Variants in ASXL3 observed in about 807,000 individuals in gnomAD.
ASXL3 encodes the protein putative Polycomb group protein ASXL3.
A neutral mutation model predicts 170.6 loss-of-function variants in ASXL3; 34 were observed. The observed-to-expected ratio is 0.20, with a 90% CI of 0.15 to 0.27. The LOEUF (loss-of-function observed/expected upper bound fraction) is 0.27, where lower values mean the gene tolerates loss of function less well. ASXL3 is among the 10% of genes least tolerant of loss of function. ASXL3 has a pLI of 1.00. For synonymous variants in ASXL3, 1,002 were observed against 989.1 expected, an observed-to-expected ratio of 1.01 and a Z score of -0.24; for missense variants, 2,592 against 2,695.3, an observed-to-expected ratio of 0.96 and a Z score of 0.85.
chr18:33,732,252 T>C (rs2067462273), intron 9 of ASXL3, among the ~76,000 whole-genome samples, 188 bp downstream of exon 9: 1 of 152,200 alleles, frequency 6.6e-6, no homozygotes, highest in Non-Finnish European at 1.5e-5. Context: ...TGTCAGATAT[T>C]TTTGAAGAAA....
At chr18:33,642,326 A>G (rs1313325609) in intron 2 of ASXL3, among the ~76,000 whole-genome samples, 1 of 152,000 alleles carries the variant, frequency 6.6e-6, no homozygotes, top group African/African-American at 2.4e-5. Context: ...TATATTTTAC[A>G]TTGGATGAAT....
At position 33,630,020 on chromosome 18, in the gene ASXL3, C is replaced by T. The variant is rs73955162; in HGVS notation, c.138-14874C>T. 6.5e-3 allele frequency among the ~76,000 whole-genome samples: 992 copies of T among 152,026 alleles called. 4 individuals are homozygous for T. The highest frequency in any genetic ancestry group is 0.019 in the African/African-American group (805 of 41,534). ...CTTGTAGCAAGCATAGGCATTTCTG[C>T]GACCCCCTGCTCTGAACTTAGGTTT... On this transcript the variant is annotated intron_variant, in intron 2 of 11. Transcript: ENST00000269197.
Position 33,745,951 on chromosome 18 carries a change from C to G in ASXL3, c.6103C>G (p.Pro2035Ala), listed in dbSNP as rs780024795. 2.2e-6 allele frequency: 3 copies of G among 1,386,510 alleles called. No homozygotes were observed. The Admixed American group carries it at 6.2e-5, about 29-fold the overall frequency. The allele number at this position is 1,386,510 out of a possible 1,614,324, so 85.9% of individuals were successfully genotyped here. Reference sequence around the variant, plus strand: ...TCCACCCTTGGCTTTGCCCCCGCCTCCCCCCCCACCACCTCCGCTACCTCC... The same window carrying G: ...TCCACCCTTGGCTTTGCCCCCGCCTGCCCCCCCACCACCTCCGCTACCTCC... ...PPPPLALPPP[P>A]PPPPPLPPPL... Residue 2035 changes from proline to alanine, a missense_variant, in exon 12 of 12, where the codon CCC becomes GCC. Around this residue, in one of 4 missense-constraint regions of ASXL3, gnomAD observed 2,246 missense variants for 2,219.6 expected, o/e 1.01. Coordinates refer to ENST00000269197, the MANE Select transcript of ASXL3 (RefSeq NM_030632.3).
chr18:33,636,626 A>G (rs9960696), intron 2 of ASXL3, among the ~76,000 whole-genome samples: 3,014 of 152,206 alleles, frequency 0.02, 107 homozygotes, highest in African/African-American at 0.069. Flanking sequence ...AGTCATGGGT[A>G]CTGGAGGAGG....
rs760227353 is a variant in ASXL3, at chr18:33,739,410, A to G, written c.2006A>G (p.Asp669Gly). The G allele has an allele frequency of 1.2e-6, 2 of 1,613,924 alleles. No individual in the cohort carries two copies. The highest frequency in any genetic ancestry group is 1.3e-5 in the African/African-American group (1 of 75,054). The change falls in exon 11 of 12, where the codon GAT becomes GGT. Residue 669 changes from aspartate to glycine, a missense_variant. By Grantham distance (94) the Asp-to-Gly change is moderately conservative. Around this residue, in one of 4 missense-constraint regions of ASXL3, gnomAD observed 2,246 missense variants for 2,219.6 expected, o/e 1.01. Transcript: ENST00000269197. ...AAATACAACCAGAGAAATTCCACTG[A>G]TGAAAACTTTCATGCATCTTTGATG... is the stretch of plus-strand genomic sequence containing the variant. ...TDKYNQRNST[D>G]ENFHASLMSE... is the part of the protein sequence containing the mutation.
intron 1 of ASXL3, among the ~76,000 whole-genome samples, chr18:33,598,020 C>A (rs776723003): frequency 6.6e-6 from 1 of 152,086 alleles, no homozygotes; most frequent in Non-Finnish European, 1.5e-5. Context: ...CTGCTCTTCA[C>A]GTTATCCTGC....
intron 8 of ASXL3, among the ~76,000 whole-genome samples, chr18:33,711,046 G>A (rs1397645809): frequency 3.3e-5 from 5 of 151,850 alleles, no homozygotes; most frequent in Admixed American, 1.3e-4. Context: ...AAATTATTTC[G>A]TTTAGATTTT....
chr18:33,629,440 G>A (rs1436580950), intron 2 of ASXL3, among the ~76,000 whole-genome samples: 1 of 152,024 alleles, frequency 6.6e-6, no homozygotes, highest in African/African-American at 2.4e-5. Context: ...GAAAAATGAA[G>A]GGAAACAGAA....
chr18:33,609,798 G>A (rs2065306357), intron 2 of ASXL3, among the ~76,000 whole-genome samples: 2 of 152,084 alleles, frequency 1.3e-5, no homozygotes, highest in South Asian at 2.1e-4. Context: ...GTTTGAATAG[G>A]GAAGGGAAAG....
Position 33,748,126 on chromosome 18 carries a change from G to A in ASXL3, c.*1531G>A, listed in dbSNP as rs1397495871. The A allele has an allele frequency of 3.3e-5, 5 of 152,032 alleles. No individual in the cohort carries two copies. In the South Asian group the frequency reaches 1.0e-3, roughly 32 times the overall value. The allele number at this position is 152,032 out of a possible 1,614,324, so 9.4% of individuals were successfully genotyped here. On this transcript the variant is annotated 3_prime_UTR_variant, in exon 12 of 12. Coordinates refer to ENST00000269197, the MANE Select transcript of ASXL3 (RefSeq NM_030632.3). ...GAATTTAAAAAGCAAACATGGGGGG[G>A]GTGGGGAATCATCTGTATCCAGGGT...
In ASXL3 at chr18:33,743,471, C is replaced by T. The variant is rs1336831092; in HGVS notation, c.3623C>T (p.Pro1208Leu). The T allele has an allele frequency of 3.1e-6, 5 of 1,613,586 alleles. No homozygotes were observed. Among genetic ancestry groups the T allele is most frequent in the East Asian group, 2.2e-5 (1 of 44,870 alleles). The change falls in exon 12 of 12, where the codon CCT becomes CTT. Residue 1208 changes from proline to leucine, a missense_variant. This residue lies in a region of ASXL3 where 2,246 missense variants were observed against 2,219.6 expected (regional missense o/e 1.01). Coordinates refer to ENST00000269197, the MANE Select transcript of ASXL3 (RefSeq NM_030632.3). ...LSVHSSDENI[P>L]VSHLSEKIVS... ...GTGCATAGTTCTGATGAAAACATACCTGTGTCACATTTATCTGAGAAAATT... is the reference window on the plus strand; with the variant it reads ...GTGCATAGTTCTGATGAAAACATACTTGTGTCACATTTATCTGAGAAAATT...
At chr18:33,726,201 T>A (rs1445280662) in intron 8 of ASXL3, among the ~76,000 whole-genome samples, 1 of 152,174 alleles carries the variant, frequency 6.6e-6, no homozygotes, top group Non-Finnish European at 1.5e-5. Flanking sequence ...CAGCCTTGCC[T>A]GCCCTCTTTC....
intron 2 of ASXL3, among the ~76,000 whole-genome samples, chr18:33,616,146 A>G (rs1023577681): frequency 1.3e-5 from 2 of 152,266 alleles, no homozygotes; most frequent in East Asian, 1.9e-4. Context: ...AAGATTAGAT[A>G]TTATTGTGGT....
In ASXL3 at chr18:33,708,899, A is replaced by G. The variant is rs542705419; in HGVS notation, c.880-23069A>G. On this transcript the variant is annotated intron_variant, in intron 8 of 11. Transcript: ENST00000269197. ...TTTAGCAATGACATTGACTTTAATCAATCAGTTATATTATGATTGAACAAT... is the reference window on the plus strand; with the variant it reads ...TTTAGCAATGACATTGACTTTAATCGATCAGTTATATTATGATTGAACAAT... 2.7e-3 allele frequency among the ~76,000 whole-genome samples: 405 copies of G among 152,328 alleles called. 2 individuals carry two copies. The highest frequency in any genetic ancestry group is 5.1e-3 in the Non-Finnish European group (346 of 68,030).
In ASXL3 at chr18:33,750,337, T is replaced by C. The variant is rs1267898550; in HGVS notation, c.*3742T>C. 1 of 152,250 alleles carries C rather than the reference T, an allele frequency of 6.6e-6. No individual in the cohort carries two copies. Among genetic ancestry groups the C allele is most frequent in the Non-Finnish European group, 1.5e-5 (1 of 68,042 alleles). The allele number at this position is 152,250 out of a possible 1,614,324, so 9.4% of individuals were successfully genotyped here. A position where few individuals can be genotyped will look rare whatever the true frequency, so the allele number is the denominator to read the frequency against. On this transcript the variant is annotated 3_prime_UTR_variant, in exon 12 of 12. Transcript: ENST00000269197. ...ATAATTTAAAGGAGCTGCTTTTTTA[T>C]AGCACATACTATTTCGCTTTGTACT...
rs553080189 is a variant in ASXL3, at chr18:33,728,597, A to G, written c.880-3371A>G. Among the ~76,000 whole-genome samples the G allele has an allele frequency of 9.2e-5, 14 of 152,232 alleles. No individual in the cohort carries two copies. The East Asian group carries it at 2.7e-3, about 29-fold the overall frequency. On this transcript the variant is annotated intron_variant, in intron 8 of 11. Transcript: ENST00000269197. Reference sequence around the variant, plus strand: ...AACATTTCTTAAAGACTTACACTCAAGGTTGGCCATCATTTCATCCACCCC... The same window carrying G: ...AACATTTCTTAAAGACTTACACTCAGGGTTGGCCATCATTTCATCCACCCC...
chr18:33,716,497 T>C (rs2067167796), intron 8 of ASXL3, among the ~76,000 whole-genome samples: 1 of 152,210 alleles, frequency 6.6e-6, no homozygotes. Context: ...GACATGTTGC[T>C]AATTGTGGCA....
At chr18:33,587,311 GTTA>G (rs2065042787) in intron 1 of ASXL3, among the ~76,000 whole-genome samples, 2 of 152,198 alleles carry the variant, frequency 1.3e-5, no homozygotes, top group Admixed American at 1.3e-4. Flanking sequence ...TTAGATTTAT[GTTA>G]TTTTCTTTTA....
At chr18:33,704,201 C>T (rs2066922785) in intron 8 of ASXL3, among the ~76,000 whole-genome samples, 1 of 152,070 alleles carries the variant, frequency 6.6e-6, no homozygotes, top group Non-Finnish European at 1.5e-5. Flanking sequence ...TGACTAAAAA[C>T]ACCTCACAAA....
Sources: allele counts gnomAD v4.1 joint callset (sites outside exome capture counted in the v4.1 genomes callset), GRCh38; gene constraint gnomAD v4.1.1; regional missense constraint gnomAD v4.1.1; transcripts MANE v1.5; gene names NCBI Gene and HGNC (gene_info 2026-07-23, HGNC 2026-07-21).